Variants in THRB observed in about 807,000 individuals in gnomAD.
THRB encodes the protein thyroid hormone receptor beta, also known as nuclear receptor subfamily 1 group A member 2.
In THRB, 12 loss-of-function variants were observed where a neutral mutation model predicts 47.8. The ratio of observed to expected loss-of-function variants is 0.25; its 90% CI spans 0.16 to 0.41. The LOEUF (loss-of-function observed/expected upper bound fraction) is 0.41. Among genes scored for constraint, THRB ranks in the 10% least tolerant of loss-of-function variants. THRB has a pLI of 1.00. For synonymous variants in THRB, 218 were observed against 212.2 expected (o/e 1.03, Z -0.24); for missense variants, 348 against 589.2 (o/e 0.59, Z 4.24).
chr3:24,364,170 T>C (rs1044929148), intron 1 of THRB, among the ~76,000 whole-genome samples: 1 of 152,098 alleles, frequency 6.6e-6, no homozygotes, highest in African/African-American at 2.4e-5. Context: ...GAAAAGCATA[T>C]GGTGGTAAAA....
At position 24,282,738 on chromosome 3, in the gene THRB, A is replaced by T. The variant is rs535866500; in HGVS notation, c.-43+14488T>A. 9.3e-4 allele frequency among the ~76,000 whole-genome samples: 139 copies of T among 149,738 alleles called. 3 individuals carry two copies. The highest frequency in any genetic ancestry group is 3.4e-3 in the African/African-American group (132 of 39,258). On this transcript the variant is annotated intron_variant, in intron 3 of 10. Transcript: ENST00000646209. ...GAACAATCAAATAGACGCAATAAAA[A>T]ATGATAAAGAGGATATCACCACCGA...
chr3:24,257,194 T>C (rs2051383987), intron 3 of THRB, among the ~76,000 whole-genome samples: 1 of 152,194 alleles, frequency 6.6e-6, no homozygotes, highest in Non-Finnish European at 1.5e-5. Context: ...CCCTTTAAGC[T>C]TATTAAGGTT....
intron 1 of THRB, among the ~76,000 whole-genome samples, chr3:24,433,197 C>G (rs2070620432): frequency 6.6e-6 from 1 of 152,024 alleles, no homozygotes; most frequent in African/African-American, 2.4e-5. Context: ...TAAATAATGA[C>G]CTCCCAAATC....
At chr3:24,208,077 G>A (rs1012465617) in intron 4 of THRB, among the ~76,000 whole-genome samples, 1 of 152,038 alleles carries the variant, frequency 6.6e-6, no homozygotes, top group Non-Finnish European at 1.5e-5. Context: ...GCCAAATCAT[G>A]AGTGAACCTT....
Position 24,326,013 on chromosome 3 carries a change from T to C in THRB, c.-189+11287A>G, listed in dbSNP as rs576460833. Among the ~76,000 whole-genome samples, 4 of 152,280 alleles carry C rather than the reference T, an allele frequency of 2.6e-5. No individual in the cohort carries two copies. In the East Asian group the frequency reaches 7.7e-4, roughly 29 times the overall value. On this transcript the variant is annotated intron_variant, in intron 2 of 10. Coordinates refer to ENST00000646209, the MANE Select transcript of THRB (RefSeq NM_001354712.2). Reference sequence around the variant, plus strand: ...TAAAGTCAAATTCCACTTATTCTTCTAGGCTTGATACAAATTCTAATGCCC... The same window carrying C: ...TAAAGTCAAATTCCACTTATTCTTCCAGGCTTGATACAAATTCTAATGCCC...
intron 1 of THRB, among the ~76,000 whole-genome samples, chr3:24,353,937 T>C (rs1033846915): frequency 7.9e-5 from 12 of 152,284 alleles, no homozygotes; most frequent in African/African-American, 2.6e-4. Flanking sequence ...ATTTACAATA[T>C]GGTAGTCTTG....
At chr3:24,151,660 T>A (rs2036964109) in intron 6 of THRB, among the ~76,000 whole-genome samples, 1 of 152,208 alleles carries the variant, frequency 6.6e-6, no homozygotes, top group Non-Finnish European at 1.5e-5. Context: ...AAGGCTAGAT[T>A]GTTGGACCAA....
intron 1 of THRB, among the ~76,000 whole-genome samples, chr3:24,398,523 A>G (rs540047760): frequency 1.3e-3 from 205 of 152,322 alleles, no homozygotes; most frequent in South Asian, 0.012. Context: ...CAAAACCACA[A>G]TGAGATACCA....
At chr3:24,233,591 G>GAAAGAAAGAAAGAAAGAAAGAAAGAA (rs1553658405) in intron 3 of THRB, among the ~76,000 whole-genome samples, 6 of 69,306 alleles carry the variant, frequency 8.7e-5, no homozygotes, top group Non-Finnish European at 1.3e-4. Context: ...AAGAAAGAAA[G>GAAAGAAAGAAAGAAAGAAAGAAAGAA]AAAGAAAGAA....
intron 1 of THRB, among the ~76,000 whole-genome samples, chr3:24,339,273 C>T (rs2062466411): frequency 1.3e-5 from 2 of 152,092 alleles, no homozygotes; most frequent in Non-Finnish European, 2.9e-5. Flanking sequence ...AGTTTGTATA[C>T]ACAGCATTTA....
chr3:24,381,265 G>A (rs1362326829), intron 1 of THRB, among the ~76,000 whole-genome samples: 1 of 152,140 alleles, frequency 6.6e-6, no homozygotes, highest in Non-Finnish European at 1.5e-5. Flanking sequence ...AGGAACGGGA[G>A]ATATGACAAT....
At chr3:24,249,721 G>A (rs1324288303) in intron 3 of THRB, among the ~76,000 whole-genome samples, 1 of 150,332 alleles carries the variant, frequency 6.7e-6, no homozygotes, top group Non-Finnish European at 1.5e-5. Flanking sequence ...AATTTTGAAA[G>A]AATATAGAAC....
chr3:24,186,436 T>A (rs2042581128), intron 5 of THRB, among the ~76,000 whole-genome samples: 1 of 126,552 alleles, frequency 7.9e-6, no homozygotes, highest in Admixed American at 8.4e-5. Context: ...AAAGAGCGGG[T>A]GTGGGTGGGT....
intron 1 of THRB, among the ~76,000 whole-genome samples, chr3:24,452,575 G>A (rs2072765719): frequency 1.3e-5 from 2 of 152,224 alleles, no homozygotes; most frequent in African/African-American, 4.8e-5. Flanking sequence ...TGCTGAGAAA[G>A]ATGAGGCTCC....
intron 3 of THRB, among the ~76,000 whole-genome samples, chr3:24,271,600 C>G (rs1038371723): frequency 6.6e-6 from 1 of 152,088 alleles, no homozygotes; most frequent in Non-Finnish European, 1.5e-5. Flanking sequence ...AATACACCCC[C>G]CTGGGCCCTC....
At chr3:24,238,290 G>GC (rs1559699121) in intron 3 of THRB, among the ~76,000 whole-genome samples, 4 of 123,854 alleles carry the variant, frequency 3.2e-5, no homozygotes, top group African/African-American at 1.3e-4. Context: ...GGGGGGGGGG[G>GC]GGTGTGTGGG....
At chr3:24,464,063 G>A (rs1187108896) in intron 1 of THRB, among the ~76,000 whole-genome samples, 1 of 152,008 alleles carries the variant, frequency 6.6e-6, no homozygotes, top group African/African-American at 2.4e-5. Context: ...TGGCTAACAC[G>A]GTGAAACCCC....
intron 8 of THRB, among the ~76,000 whole-genome samples, chr3:24,142,215 A>G (rs930012470): frequency 4.5e-4 from 69 of 152,212 alleles, no homozygotes; most frequent in African/African-American, 1.6e-3. Context: ...CTTCTGTAAA[A>G]TGGAGATATT....
intron 5 of THRB, among the ~76,000 whole-genome samples, chr3:24,173,622 C>T (rs2040741829): frequency 6.6e-6 from 1 of 152,164 alleles, no homozygotes; most frequent in Admixed American, 6.5e-5. Flanking sequence ...GATGGTATAC[C>T]AGAAACCTCC....
Sources: gnomAD v4.1 joint callset for allele counts (sites outside exome capture counted in the v4.1 genomes callset) on GRCh38, gnomAD v4.1.1 for gene constraint, MANE v1.5 for transcripts, NCBI Gene and HGNC (gene_info 2026-07-23, HGNC 2026-07-21) for gene names.